TASP1: variants seen among roughly 807,000 people sequenced by gnomAD.
The protein encoded by TASP1 is taspase 1, also known as threonine aspartase 1.
A neutral mutation model predicts 56.6 loss-of-function variants in TASP1; 16 were observed. The ratio of observed to expected loss-of-function variants is 0.28; its 90% CI spans 0.19 to 0.43. The LOEUF is 0.43. TASP1 is among the 20% of genes least tolerant of loss of function. The pLI is 1.00. For synonymous variants in TASP1, 179 were observed against 184.2 expected (o/e 0.97, Z 0.23); for missense variants, 393 against 511.6 (o/e 0.77, Z 2.24).
At chr20:13,279,013 C>A in the TASP1 span, among the ~76,000 whole-genome samples, 89 of 152,288 alleles carry the variant, frequency 5.8e-4, no homozygotes, top group Non-Finnish European at 1.0e-3. Flanking sequence ...CCACTCCTAC[C>A]CATTCTGCTG....
intron 4 of TASP1, 32 bp from the exon 5 acceptor site, chr20:13,587,402 T>C (rs1324053804): frequency 1.9e-6 from 3 of 1,555,854 alleles, no homozygotes; most frequent in African/African-American, 2.8e-5. Context: ...TAAAATATCA[T>C]TAGTCTTAAA....
the TASP1 span, among the ~76,000 whole-genome samples, chr20:13,316,551 A>G: frequency 2.0e-5 from 3 of 151,976 alleles, no homozygotes; most frequent in Admixed American, 1.3e-4. Flanking sequence ...CAACATTAGC[A>G]AATCAAATCC....
At chr20:13,148,028 A>G in the TASP1 span, among the ~76,000 whole-genome samples, 2,841 of 152,252 alleles carry the variant, frequency 0.019, 54 homozygotes, top group South Asian at 0.03. Flanking sequence ...GGGGAAATGC[A>G]TTCTCTTTTT....
At chr20:13,495,707 A>G (rs148789580) in intron 10 of TASP1, among the ~76,000 whole-genome samples, 1 of 152,302 alleles carries the variant, frequency 6.6e-6, no homozygotes, top group East Asian at 1.9e-4. Flanking sequence ...ATTTGACACT[A>G]TTACTAAGAA....
the TASP1 span, among the ~76,000 whole-genome samples, chr20:13,325,474 G>A: frequency 1.3e-5 from 2 of 152,048 alleles, no homozygotes; most frequent in Non-Finnish European, 2.9e-5. Context: ...TGTCATGAGA[G>A]GGTCCACAGT....
intron 11 of TASP1, among the ~76,000 whole-genome samples, chr20:13,460,746 C>T (rs576651307): frequency 2.9e-4 from 44 of 152,182 alleles, no homozygotes; most frequent in Non-Finnish European, 6.0e-4. Context: ...GTTAGCTTTA[C>T]CTTCAAAAAC....
At chr20:13,122,927 T>A in the TASP1 span, among the ~76,000 whole-genome samples, 1 of 152,212 alleles carries the variant, frequency 6.6e-6, no homozygotes, top group African/African-American at 2.4e-5. Flanking sequence ...AATGTAACCC[T>A]GTGCAAAATG....
At chr20:13,543,615 C>T (rs1241754400) in intron 8 of TASP1, among the ~76,000 whole-genome samples, 1 of 152,040 alleles carries the variant, frequency 6.6e-6, no homozygotes, top group East Asian at 1.9e-4. Context: ...ACAAAGATTT[C>T]TTGAATCACT....
intron 7 of TASP1, among the ~76,000 whole-genome samples, chr20:13,560,098 A>G (rs757343061): frequency 1.3e-5 from 2 of 152,228 alleles, no homozygotes; most frequent in Non-Finnish European, 2.9e-5. Context: ...TAAAATAATC[A>G]AAATTTTAAA....
intron 4 of TASP1, among the ~76,000 whole-genome samples, chr20:13,598,530 A>G (rs1291351929): frequency 6.6e-6 from 1 of 152,228 alleles, no homozygotes; most frequent in Admixed American, 6.5e-5. Flanking sequence ...ATAAAAATTA[A>G]TTCAAGATGG....
At chr20:13,309,576 A>C in the TASP1 span, among the ~76,000 whole-genome samples, 1 of 152,214 alleles carries the variant, frequency 6.6e-6, no homozygotes, top group Non-Finnish European at 1.5e-5. Context: ...TATTCAGCAC[A>C]GTTCTGGAAA....
the TASP1 span, among the ~76,000 whole-genome samples, chr20:13,236,465 C>A: frequency 1.3e-5 from 2 of 152,052 alleles, no homozygotes; most frequent in Admixed American, 6.5e-5. Flanking sequence ...CAAGTCATAT[C>A]ATTCCACCCC....
At chr20:13,568,780 C>T (rs1019938582) in intron 7 of TASP1, among the ~76,000 whole-genome samples, 8 of 152,256 alleles carry the variant, frequency 5.3e-5, no homozygotes, top group African/African-American at 1.4e-4. Context: ...ATCTGTACTA[C>T]TTAGTTGTCC....
At chr20:13,618,534 G>A (rs1224280170) in intron 4 of TASP1, among the ~76,000 whole-genome samples, 1 of 152,096 alleles carries the variant, frequency 6.6e-6, no homozygotes, top group African/African-American at 2.4e-5. Flanking sequence ...TCAGTCACCT[G>A]AATAAGTTAT....
chr20:13,110,191 T>C, the TASP1 span: 1 of 1,613,534 alleles, frequency 6.2e-7, no homozygotes, highest in African/African-American at 1.3e-5. Flanking sequence ...GGAAAAAGAT[T>C]CTCATCCTGG....
At chr20:13,550,058 G>C (rs933302666) in intron 8 of TASP1, among the ~76,000 whole-genome samples, 3 of 151,354 alleles carry the variant, frequency 2.0e-5, no homozygotes, top group Admixed American at 2.0e-4. Flanking sequence ...GTGGATTTAA[G>C]GACGACCTGG....
the TASP1 span, chr20:13,153,870 C>T: frequency 8.4e-7 from 1 of 1,190,878 alleles, no homozygotes; most frequent in Non-Finnish European, 1.2e-6. Flanking sequence ...GAGATATCTC[C>T]CTTCCCTACT....
chr20:13,372,907 T>C, the TASP1 span, among the ~76,000 whole-genome samples: 5 of 152,158 alleles, frequency 3.3e-5, no homozygotes, highest in African/African-American at 1.2e-4. Context: ...GTTCCTCCTG[T>C]ATAGCTCTAT....
rs145480122 is a variant in TASP1, at chr20:13,559,341, T to A, written c.569-227A>T. Among the ~76,000 whole-genome samples the A allele has an allele frequency of 1.9e-3, 283 of 152,240 alleles. 1 individual carries two copies. The highest frequency in any genetic ancestry group is 6.4e-3 in the African/African-American group (266 of 41,556). ...CCAACCCAGAGAAACAAAGGAGTCC[T>A]GAAGGCAGATACTACCCTCAGGGCA... is the stretch of plus-strand genomic sequence containing the variant. On this transcript the variant is annotated intron_variant, in intron 7 of 13. Coordinates refer to ENST00000337743, the MANE Select transcript of TASP1 (RefSeq NM_017714.3).
Sources: allele counts gnomAD v4.1 joint callset (sites outside exome capture counted in the v4.1 genomes callset), GRCh38; gene constraint gnomAD v4.1.1; transcripts MANE v1.5; gene names NCBI Gene and HGNC (gene_info 2026-07-23, HGNC 2026-07-21).